The following DMD variants were observed in gnomAD, a reference collection of about 807,000 sequenced individuals.
DMD encodes the protein mutant dystrophin.
A neutral mutation model predicts 330.1 loss-of-function variants in DMD; 63 were observed. That is an observed-to-expected ratio of 0.19 (90% CI 0.16 to 0.24). The LOEUF is 0.24. DMD is among the 10% of genes least tolerant of loss of function. The pLI, the probability that DMD is intolerant of heterozygous loss-of-function variation, is 1.00. For missense variants in DMD, 3,344 were observed against 2,684.1 expected, an observed-to-expected ratio of 1.25 and a Z score of -5.43; for synonymous variants, 1,223 against 959.8, an observed-to-expected ratio of 1.27 and a Z score of -5.07.
chrX:31,701,730 T>C (rs1218551468), intron 52 of DMD, among the ~76,000 whole-genome samples: 1 of 112,599 alleles, frequency 8.9e-6, no homozygotes, highest in East Asian at 2.8e-4. Flanking sequence ...GAGAGTGGCT[T>C]ACACCAGTGC....
chrX:31,202,200 C>CA (rs1205712344), intron 67 of DMD, among the ~76,000 whole-genome samples: 2 of 110,913 alleles, frequency 1.8e-5, no homozygotes, highest in South Asian at 3.8e-4. Flanking sequence ...CAAAACAAAA[C>CA]AAAAAAAACA....
At position 32,336,109 on chromosome X, in the gene DMD, TTA is replaced by T. The variant is rs777417906; in HGVS notation, c.5922+5989_5922+5990del. Reference sequence around the variant, plus strand: ...TATATAACGTGTGTATACGTACATGTTATATATGTTATATGTAACATGTGCAT... The same window carrying T: ...TATATAACGTGTGTATACGTACATGTTATATGTTATATGTAACATGTGCAT... On this transcript the variant is annotated intron_variant, in intron 41 of 78. Transcript: ENST00000357033. Among the ~76,000 whole-genome samples the T allele has an allele frequency of 8.3e-4, 91 of 109,877 alleles. 1 individual carries two copies. Among genetic ancestry groups the T allele is most frequent in the Middle Eastern group, 5.1e-3 (1 of 197 alleles).
chrX:32,621,066 T>C lies in DMD; in HGVS notation c.1332-6613A>G, dbSNP rs113349022. ...GGGTGAGGGCCACAGATAATACATA[T>C]AGCTCAACAGGCCATTAGTTGGTTA... is the stretch of plus-strand genomic sequence containing the variant. On this transcript the variant is annotated intron_variant, in intron 11 of 78. Transcript: ENST00000357033. Among the ~76,000 whole-genome samples the C allele has an allele frequency of 7.4e-3, 830 of 111,533 alleles. 12 individuals are homozygous for C. Among genetic ancestry groups the C allele is most frequent in the African/African-American group, 0.023 (715 of 30,694 alleles).
At chrX:33,232,169 T>G (rs922046743) in intron 1 of DMD, among the ~76,000 whole-genome samples, 2 of 112,062 alleles carry the variant, frequency 1.8e-5, no homozygotes, top group African/African-American at 6.5e-5. Context: ...TTGCTGCCAG[T>G]AGATCTGCCT....
chrX:31,183,589 TCAA>T (rs773267016), intron 67 of DMD, among the ~76,000 whole-genome samples: 1 of 111,932 alleles, frequency 8.9e-6, no homozygotes, highest in Non-Finnish European at 1.9e-5. Context: ...GACAATGATC[TCAA>T]CAATCTCAAA....
At chrX:33,318,857 A>G (rs986387724) in intron 1 of DMD, among the ~76,000 whole-genome samples, 11 of 110,986 alleles carry the variant, frequency 9.9e-5, no homozygotes, top group African/African-American at 3.6e-4. Flanking sequence ...TATCCCACAC[A>G]ACAGTACTAA....
chrX:33,075,659 T>C (rs985958415), intron 1 of DMD, among the ~76,000 whole-genome samples: 1 of 112,444 alleles, frequency 8.9e-6, no homozygotes. Flanking sequence ...TGTTTTGGCA[T>C]TGAAGCTTTG....
At chrX:33,217,766 C>T (rs1395327234) in intron 1 of DMD, among the ~76,000 whole-genome samples, 1 of 111,511 alleles carries the variant, frequency 9.0e-6, no homozygotes, top group Non-Finnish European at 1.9e-5. Context: ...CATTGATTAG[C>T]AATTGACTTT....
At chrX:31,847,786 T>C (rs901420978) in intron 48 of DMD, among the ~76,000 whole-genome samples, 2 of 112,141 alleles carry the variant, frequency 1.8e-5, no homozygotes, top group Non-Finnish European at 3.8e-5. Context: ...ACTGCTATAG[T>C]GATATTAACT....
At chrX:31,771,326 T>A (rs2090323003) in intron 51 of DMD, among the ~76,000 whole-genome samples, 1 of 110,006 alleles carries the variant, frequency 9.1e-6, no homozygotes, top group East Asian at 2.8e-4. Context: ...CATCCCCCTA[T>A]TCAGCAAGCA....
At chrX:33,328,451 C>T (rs1238586780) in intron 1 of DMD, among the ~76,000 whole-genome samples, 1 of 111,092 alleles carries the variant, frequency 9.0e-6, no homozygotes, top group Non-Finnish European at 1.9e-5. Context: ...CCACCTCGAC[C>T]TCCCAAAATG....
At chrX:32,547,411 A>C (rs1006317711) in intron 16 of DMD, among the ~76,000 whole-genome samples, 7 of 111,281 alleles carry the variant, frequency 6.3e-5, no homozygotes, top group African/African-American at 2.0e-4. Flanking sequence ...AAAATGAATC[A>C]TTTTTAATAA....
chrX:31,775,117 T>C (rs1038862803), intron 50 of DMD, among the ~76,000 whole-genome samples: 1 of 111,627 alleles, frequency 9.0e-6, no homozygotes, highest in Admixed American at 9.5e-5. Flanking sequence ...TTCATGTATT[T>C]ACCTTAAAAG....
intron 12 of DMD, among the ~76,000 whole-genome samples, chrX:32,600,301 G>A (rs1021819920): frequency 3.6e-5 from 4 of 111,401 alleles, no homozygotes; most frequent in South Asian, 3.7e-4. Flanking sequence ...ATTATGTAAG[G>A]CTAGGGAAAT....
chrX:32,463,339 T>C (rs182242277), intron 25 of DMD, 100 bp downstream of exon 25: 71 of 797,754 alleles, frequency 8.9e-5, no homozygotes, highest in Non-Finnish European at 1.1e-4. Context: ...AGCAAAAACA[T>C]AGGAACAAAG....
chrX:31,878,379 G>A, intron 47 of DMD, among the ~76,000 whole-genome samples: 1 of 111,920 alleles, frequency 8.9e-6, no homozygotes, highest in East Asian at 2.8e-4. Context: ...CCAAAAGTTT[G>A]TTAAAAACAA....
intron 50 of DMD, among the ~76,000 whole-genome samples, chrX:31,817,118 A>G (rs1235766573): frequency 9.0e-6 from 1 of 111,555 alleles, no homozygotes; most frequent in East Asian, 2.8e-4. Flanking sequence ...AAAATTATCT[A>G]TATGTTCTTT....
At chrX:32,966,489 T>C (rs1048386683) in intron 2 of DMD, among the ~76,000 whole-genome samples, 1 of 111,825 alleles carries the variant, frequency 8.9e-6, no homozygotes, top group African/African-American at 3.2e-5. Flanking sequence ...TTTAAAGAAT[T>C]ATTTTATTAC....
rs1011535778 is a variant in DMD at position 32,924,599 on chromosome X, T to G, written c.94-74779A>C. On this transcript the variant is annotated intron_variant, in intron 2 of 78. Coordinates refer to ENST00000357033, the MANE Select transcript of DMD (RefSeq NM_004006.3). ...TGAGTTCCTTCAGTGGATTACAACA[T>G]ATTTCAAACCACAGCCCTATTGAAG... 9.8e-5 allele frequency among the ~76,000 whole-genome samples: 11 copies of G among 112,212 alleles called. No homozygotes were observed. The Admixed American group carries it at 1.0e-3, about 11-fold the overall frequency.
Sources: allele counts gnomAD v4.1 joint callset (sites outside exome capture counted in the v4.1 genomes callset), GRCh38; gene constraint gnomAD v4.1.1; transcripts MANE v1.5; gene names NCBI Gene and HGNC (gene_info 2026-07-23, HGNC 2026-07-21).